CPNE9: variants seen among roughly 807,000 people sequenced by gnomAD.
The protein encoded by CPNE9 is copine family member 9, also known as copine-9.
A neutral mutation model predicts 83.0 loss-of-function variants in CPNE9; 59 were observed. The ratio of observed to expected loss-of-function variants is 0.71; its 90% CI spans 0.58 to 0.88. The LOEUF (loss-of-function observed/expected upper bound fraction) is 0.88, where lower values mean the gene tolerates loss of function less well. Among genes scored for constraint, CPNE9 ranks in the 40% least tolerant of loss-of-function variants. The pLI, the probability that CPNE9 is intolerant of heterozygous loss-of-function variation, is 0.00. For missense variants in CPNE9, 619 were observed against 720.8 expected, an observed-to-expected ratio of 0.86 and a Z score of 1.62; for synonymous variants, 256 against 273.4, an observed-to-expected ratio of 0.94 and a Z score of 0.63.
In CPNE9 at chr3:9,715,333, G is replaced by C. The variant is rs748216978; in HGVS notation, c.737G>C (p.Ser246Thr). 6.2e-7 allele frequency: 1 copy of C among 1,614,216 alleles called. No homozygotes were observed. The highest frequency in any genetic ancestry group is 1.3e-5 in the African/African-American group (1 of 75,060). ...GEFTTSYREL[S>T]KAQNQFTVYE... ...TTCACCACCAGCTACCGGGAGCTGA[G>C]CAAGGCCCAGAACCAGTTCACAGTA... Residue 246 changes from serine (S) to threonine (T), a missense_variant, in exon 12 of 21, where the codon AGC (serine) becomes ACC (threonine). Physicochemically the swap from Ser to Thr is moderately conservative, Grantham distance 58. Coordinates refer to ENST00000383832, the MANE Select transcript of CPNE9 (RefSeq NM_153635.3).
chr3:9,703,882 AGCCGCC>A lies in CPNE9; in HGVS notation c.-104_-99del. 4 of 821,198 alleles carry A rather than the reference AGCCGCC, an allele frequency of 4.9e-6. No individual in the cohort carries two copies. The highest frequency in any genetic ancestry group is 5.3e-6 in the Non-Finnish European group (3 of 563,754). The allele number at this position is 821,198 out of a possible 1,614,324, so 50.9% of individuals were successfully genotyped here. On this transcript the variant is annotated 5_prime_UTR_variant, in exon 1 of 21. Transcript: ENST00000383832. ...GCGCACGCAGGGCTGGAGCGAGTGC[AGCCGCC>A]GCCGCCGCCGACACCGCGGCACATG... is the stretch of plus-strand genomic sequence containing the variant.
intron 7 of CPNE9, among the ~76,000 whole-genome samples, chr3:9,711,623 G>A (rs752922060): frequency 6.6e-6 from 1 of 152,138 alleles, no homozygotes; most frequent in Non-Finnish European, 1.5e-5. Context: ...TAAGGATAGG[G>A]AAAATCACAT....
At chr3:9,726,823 C>A in intron 19 of CPNE9, 101 bp downstream of exon 19, 1 of 1,065,004 alleles carries the variant, frequency 9.4e-7, no homozygotes, top group Non-Finnish European at 1.4e-6. Flanking sequence ...ACAAGGTAGA[C>A]ACCCCCGTGT....
rs1445271485 is a variant in CPNE9, at chr3:9,705,519, G to A, written c.297+19G>A. ...CAAACCGGTGAGCAAACGTTTCCTC[G>A]AGGGTTGGCGGAGCGCACAGGAGGC... On this transcript the variant is annotated intron_variant, in intron 5 of 20. Transcript: ENST00000383832. 6.2e-7 allele frequency: 1 copy of A among 1,600,084 alleles called. No individual in the cohort carries two copies. The highest frequency in any genetic ancestry group is 8.5e-7 in the Non-Finnish European group (1 of 1,173,800).
chr3:9,727,364 T>G (rs1160428670), intron 20 of CPNE9, 178 bp downstream of exon 20: 1 of 784,614 alleles, frequency 1.3e-6, no homozygotes, highest in Non-Finnish European at 2.2e-6. Context: ...GCTGCAGCCT[T>G]GGCACATCCG....
chr3:9,715,030 G>A, intron 11 of CPNE9, 75 bp downstream of exon 11: 1 of 1,397,910 alleles, frequency 7.2e-7, no homozygotes, highest in Non-Finnish European at 1.0e-6. Context: ...TACATTCACT[G>A]AGAACCCCAA....
At chr3:9,705,059 T>A in intron 4 of CPNE9, 65 bp downstream of exon 4, 1 of 1,217,450 alleles carries the variant, frequency 8.2e-7, no homozygotes, top group Non-Finnish European at 1.2e-6. Flanking sequence ...GAATTCTGGC[T>A]GGCCCCACCC....
At position 9,704,383 on chromosome 3, in the gene CPNE9, T is replaced by C. The variant is rs1406353293; in HGVS notation, c.69-204T>C. 1.3e-5 allele frequency among the ~76,000 whole-genome samples: 2 copies of C among 152,090 alleles called. No homozygotes were observed. Among genetic ancestry groups the C allele is most frequent in the African/African-American group, 4.8e-5 (2 of 41,418 alleles). On this transcript the variant is annotated intron_variant, in intron 1 of 20. Transcript: ENST00000383832. This position sits in a 1 kb window ranked among gnomAD's most constrained non-coding sequence, Gnocchi z 7.1. ...TGGAGACAGTGTGGGTGCGTTCGCG[T>C]CCAGTCCGCAGAGCCATGGTTCCTG... is the stretch of plus-strand genomic sequence containing the variant.
chr3:9,704,152 C>A lies in CPNE9; in HGVS notation c.68+88C>A. On this transcript the variant is annotated intron_variant, in intron 1 of 20. Transcript: ENST00000383832. The surrounding 1 kb of genome is among the most constrained non-coding windows in gnomAD (Gnocchi z 7.1). Reference sequence around the variant, plus strand: ...GGGCTCAGCCTGGGCAGGGGCTAGACCCCCGGGGAGAGGCGAAATTGGCTG... The same window carrying A: ...GGGCTCAGCCTGGGCAGGGGCTAGAACCCCGGGGAGAGGCGAAATTGGCTG... The A allele has an allele frequency of 1.5e-6, 2 of 1,295,164 alleles. No homozygotes were observed. Among genetic ancestry groups the A allele is most frequent in the Non-Finnish European group, 1.1e-6 (1 of 934,036 alleles). The allele number at this position is 1,295,164 out of a possible 1,614,324, so 80.2% of individuals were successfully genotyped here. A position where few individuals can be genotyped will look rare whatever the true frequency, so the allele number is the denominator to read the frequency against.
chr3:9,722,105 C>T (rs746800158), intron 17 of CPNE9, among the ~76,000 whole-genome samples: 11 of 151,376 alleles, frequency 7.3e-5, no homozygotes, highest in African/African-American at 2.4e-4. Context: ...CTAGAAGAGA[C>T]GGAATTTCGC....
chr3:9,727,892 T>C (rs763332863), intron 20 of CPNE9, among the ~76,000 whole-genome samples: 2 of 152,188 alleles, frequency 1.3e-5, no homozygotes, highest in Non-Finnish European at 2.9e-5. Flanking sequence ...AAGATCTGGC[T>C]AGAAGCAGTG....
chr3:9,727,835 A>C (rs958507274), intron 20 of CPNE9, among the ~76,000 whole-genome samples: 1 of 152,236 alleles, frequency 6.6e-6, no homozygotes, highest in Non-Finnish European at 1.5e-5. Context: ...AAAGGCAGGT[A>C]GACTCATTAG....
intron 16 of CPNE9, 125 bp from the exon 17 acceptor site, chr3:9,718,350 G>A: frequency 2.1e-6 from 3 of 1,416,724 alleles, no homozygotes; most frequent in Middle Eastern, 2.6e-4. Context: ...AGGGAGGGGA[G>A]CAGGGCTGGG....
chr3:9,703,872 G>T lies in CPNE9; in HGVS notation c.-125G>T, dbSNP rs1277175075. ...AGCGGCTGGAGCGCACGCAGGGCTG[G>T]AGCGAGTGCAGCCGCCGCCGCCGCC... is the stretch of plus-strand genomic sequence containing the variant. On this transcript the variant is annotated 5_prime_UTR_variant, in exon 1 of 21. Transcript: ENST00000383832. 2.8e-6 allele frequency: 2 copies of T among 713,880 alleles called. No individual in the cohort carries two copies. Among genetic ancestry groups the T allele is most frequent in the South Asian group, 2.0e-5 (1 of 48,782 alleles). 44.2% of individuals were successfully genotyped at this position (713,880 alleles called of 1,614,324 possible). A position where few individuals can be genotyped will look rare whatever the true frequency, so the allele number is the denominator to read the frequency against.
intron 11 of CPNE9, 53 bp downstream of exon 11, chr3:9,715,008 A>T (rs2076667315): frequency 1.3e-6 from 2 of 1,520,922 alleles, no homozygotes; most frequent in East Asian, 2.3e-5. Flanking sequence ...AGCAGTTCTC[A>T]ATAATATGTT....
At position 9,729,595 on chromosome 3, in the gene CPNE9, C is replaced by T. The variant is rs376777024; in HGVS notation, c.1565C>T (p.Pro522Leu). ...RLAKDVLAEI[P>L]EQLLSYMRTR... is the part of the protein sequence containing the mutation. ...GCCAAGGATGTGCTGGCCGAGATCCCGGAGCAGCTGCTGTCCTATATGCGC... is the reference window on the plus strand; with the variant it reads ...GCCAAGGATGTGCTGGCCGAGATCCTGGAGCAGCTGCTGTCCTATATGCGC... The change falls in exon 21 of 21, where the codon CCG (proline) becomes CTG (leucine). Residue 522 changes from proline (P) to leucine (L), a missense_variant. This residue lies in a region of CPNE9 where 438 missense variants were observed against 562.9 expected (regional missense o/e 0.78). Transcript: ENST00000383832. 88 of 1,614,044 alleles carry T rather than the reference C, an allele frequency of 5.5e-5. No individual in the cohort carries two copies. The highest frequency in any genetic ancestry group is 6.9e-5 in the Non-Finnish European group (82 of 1,180,044).
chr3:9,717,167 G>A, intron 15 of CPNE9, 63 bp downstream of exon 15: 1 of 1,562,920 alleles, frequency 6.4e-7, no homozygotes, highest in Non-Finnish European at 8.8e-7. Context: ...GTCATTAGGA[G>A]TTGGCCTGGA....
In CPNE9 at chr3:9,705,780, C is replaced by A. The variant is rs2076557712; in HGVS notation, c.300+60C>A. The stretch of plus-strand genomic sequence containing the variant: ...TGGGGGTGGTATTGTGGAGAACAGG[C>A]TTGGACTGATGACCCACTACAAGGC... On this transcript the variant is annotated intron_variant, in intron 6 of 20. Transcript: ENST00000383832. 3.8e-6 allele frequency: 6 copies of A among 1,572,296 alleles called. No homozygotes were observed. The African/African-American group carries it at 6.7e-5, about 18-fold the overall frequency.
intron 17 of CPNE9, among the ~76,000 whole-genome samples, chr3:9,724,188 CT>C (rs201939446): frequency 0.031 from 4,178 of 136,348 alleles, 144 homozygotes; most frequent in African/African-American, 0.083. Context: ...CTCTCTAGGT[CT>C]TTTTTTTTTT....
Sources: gnomAD v4.1 joint callset for allele counts (sites outside exome capture counted in the v4.1 genomes callset) on GRCh38, gnomAD v4.1.1 for gene constraint, gnomAD v4.1.1 regional missense constraint, Gnocchi (gnomAD v3.1) non-coding constraint, MANE v1.5 for transcripts, NCBI Gene and HGNC (gene_info 2026-07-23, HGNC 2026-07-21) for gene names.